The following P2RX5 variants were observed in gnomAD, a reference collection of about 807,000 sequenced individuals.
P2RX5 encodes P2X purinoceptor 5.
A neutral mutation model predicts 54.1 loss-of-function variants in P2RX5; 46 were observed. The observed-to-expected ratio is 0.85, with a 90% CI of 0.67 to 1.09. The LOEUF (loss-of-function observed/expected upper bound fraction) is 1.09, where lower values mean the gene tolerates loss of function less well. Ranked by LOEUF, P2RX5 falls within the 50% of genes least tolerant of loss-of-function variation. P2RX5 has a pLI of 0.00. For missense variants in P2RX5, 566 were observed against 549.8 expected (o/e 1.03, Z -0.29); for synonymous variants, 226 against 226.4 (o/e 1.00, Z 0.02).
chr17:3,680,734 T>TGCATCCTCCACCCTGCGTCCTCCACCCA (rs2050246942), intron 10 of P2RX5, among the ~76,000 whole-genome samples: 1 of 87,546 alleles, frequency 1.1e-5, no homozygotes, highest in Non-Finnish European at 2.3e-5. Flanking sequence ...TCCTCCACCC[T>TGCATCCTCCACCCTGCGTCCTCCACCCA]GCGTCCTCCA....
chr17:3,695,987 T>A lies in P2RX5; in HGVS notation c.19A>T (p.Lys7Ter). The change falls in exon 1 of 12, where the codon AAG becomes TAG. Residue 7 changes from lysine (K) to a stop codon, truncating the protein, a stop_gained. Transcript: ENST00000225328. LOFTEE classifies it high-confidence loss of function. ...TCGAACAGCGACAGGCAGAGCCCCT[T>A]GCAGCCCGCCTGCCCCATGGCGCGC... MGQAGCKGLCLSLFDYK... is the reference protein window; with the variant it reads MGQAGC The A allele has an allele frequency of 6.2e-7, 1 of 1,613,880 alleles. No homozygotes were observed. Among genetic ancestry groups the A allele is most frequent in the Non-Finnish European group, 8.5e-7 (1 of 1,179,898 alleles).
chr17:3,691,767 G>T lies in P2RX5; in HGVS notation c.165C>A (p.Tyr55Ter). ...VVWVFLIKKG[Y>*]QDVDTSLQSA... ...TCTGCAGGGAGGTGTCGACGTCTTG[G>T]TAACCCTTCTTTATCAGGAACACCC... The change falls in exon 2 of 12, where the codon TAC (tyrosine) becomes TAA (stop). Residue 55 changes from tyrosine to a stop codon, truncating the protein, a stop_gained. Transcript: ENST00000225328. LOFTEE classifies it high-confidence loss of function. 1 of 1,614,212 alleles carries T rather than the reference G, an allele frequency of 6.2e-7. No individual in the cohort carries two copies. Among genetic ancestry groups the T allele is most frequent in the South Asian group, 1.1e-5 (1 of 91,082 alleles).
the P2RX5 span, chr17:3,720,186 G>A: frequency 1.7e-6 from 1 of 592,506 alleles, no homozygotes; most frequent in East Asian, 2.9e-5. Flanking sequence ...AGCGATGGCA[G>A]AGCCAAGATC....
At chr17:3,709,261 G>C in the P2RX5 span, among the ~76,000 whole-genome samples, 1 of 152,146 alleles carries the variant, frequency 6.6e-6, no homozygotes, top group Non-Finnish European at 1.5e-5. Flanking sequence ...GTTAAACCAG[G>C]TCATCTCAGC....
chr17:3,709,711 G>A, the P2RX5 span, among the ~76,000 whole-genome samples: 2 of 152,004 alleles, frequency 1.3e-5, no homozygotes, highest in Non-Finnish European at 2.9e-5. Context: ...TCAGGAGTTC[G>A]AGACCAGCCT....
At chr17:3,722,075 A>G in the P2RX5 span, among the ~76,000 whole-genome samples, 79 of 152,316 alleles carry the variant, frequency 5.2e-4, 2 homozygotes, top group South Asian at 0.016. Context: ...GCTACTTGGG[A>G]GGCTGAGGCA....
At chr17:3,696,600 G>A (rs188133734), upstream of P2RX5, among the ~76,000 whole-genome samples, 3 of 152,102 alleles carry the variant, frequency 2.0e-5, no homozygotes, top group East Asian at 1.9e-4. Flanking sequence ...GACTACAGGC[G>A]TGATAATTTT....
In P2RX5 at chr17:3,689,609, C is replaced by T. The variant is rs575791698; in HGVS notation, c.636G>A (p.Lys212=). The T allele has an allele frequency of 1.9e-6, 3 of 1,614,182 alleles. No individual in the cohort carries two copies. The highest frequency in any genetic ancestry group is 1.7e-5 in the Admixed American group (1 of 60,020). Residue 212 remains lysine (K), a synonymous_variant, in exon 7 of 12, where the codon AAG becomes AAA. Coordinates refer to ENST00000225328, the MANE Select transcript of P2RX5 (RefSeq NM_002561.4). The part of the protein sequence containing the change: ...NFSKSNVMDV[K]DRSFLKSCHF... ...GGCATGATTTCAGGAAAGATCTGTCCTTGACGTCCATCACATTGCTTCTGG... is the reference window on the plus strand; with the variant it reads ...GGCATGATTTCAGGAAAGATCTGTCTTTGACGTCCATCACATTGCTTCTGG...
chr17:3,689,893 C>T (rs117455943), intron 6 of P2RX5, among the ~76,000 whole-genome samples, 177 bp downstream of exon 6: 1,842 of 150,120 alleles, frequency 0.012, 14 homozygotes, highest in Middle Eastern at 0.021. Context: ...CACACACAAA[C>T]GCACGCACAC....
At chr17:3,701,643 G>C in the P2RX5 span, among the ~76,000 whole-genome samples, 2 of 134,548 alleles carry the variant, frequency 1.5e-5, 1 homozygote, top group Admixed American at 1.6e-4. Flanking sequence ...GATGAGCAGA[G>C]TTCACACCAT....
chr17:3,712,835 C>T, the P2RX5 span, among the ~76,000 whole-genome samples: 5 of 151,936 alleles, frequency 3.3e-5, no homozygotes, highest in Admixed American at 6.6e-5. Context: ...CCCAGCTACT[C>T]GGGAGGGTGA....
rs1309503301 is a variant in P2RX5, at chr17:3,684,927, C to A, written c.982-2949G>T. Among the ~76,000 whole-genome samples, 3 of 150,260 alleles carry A rather than the reference C, an allele frequency of 2.0e-5. No individual in the cohort carries two copies. The Admixed American group carries it at 2.0e-4, about 10-fold the overall frequency. On this transcript the variant is annotated intron_variant, in intron 9 of 11. Transcript: ENST00000225328. Reference sequence around the variant, plus strand: ...GTTGTGTGATCTGGGCTCACCGCAACCTCCTCCTCCCGGGTTCAAGCGATT... The same window carrying A: ...GTTGTGTGATCTGGGCTCACCGCAAACTCCTCCTCCCGGGTTCAAGCGATT...
chr17:3,679,530 A>G (rs1240347994), intron 11 of P2RX5, 60 bp downstream of exon 11: 7 of 1,531,986 alleles, frequency 4.6e-6, no homozygotes, highest in African/African-American at 1.4e-5. Context: ...AGAAGCCCCA[A>G]CTGGGGACCC....
At chr17:3,681,448 A>C (rs550711609) in intron 10 of P2RX5, among the ~76,000 whole-genome samples, 1 of 152,120 alleles carries the variant, frequency 6.6e-6, no homozygotes, top group South Asian at 2.1e-4. Context: ...AGGGCCCAGG[A>C]AACTCCGGAA....
Position 3,673,488 on chromosome 17 carries a change from A to G in P2RX5, c.*380T>C. 1 of 1,150,246 alleles carries G rather than the reference A, an allele frequency of 8.7e-7. No homozygotes were observed. The highest frequency in any genetic ancestry group is 1.1e-6 in the Non-Finnish European group (1 of 927,298). The allele number at this position is 1,150,246 out of a possible 1,614,324, so 71.3% of individuals were successfully genotyped here. ...ATGGAGCCCTTTTCCGGACACGCACAATGCTATTCCCAGTGAGGTAATCTA... is the reference window on the plus strand; with the variant it reads ...ATGGAGCCCTTTTCCGGACACGCACGATGCTATTCCCAGTGAGGTAATCTA... On this transcript the variant is annotated 3_prime_UTR_variant, in exon 12 of 12. Transcript: ENST00000225328.
At chr17:3,706,929 A>T in the P2RX5 span, among the ~76,000 whole-genome samples, 1 of 152,320 alleles carries the variant, frequency 6.6e-6, no homozygotes, top group East Asian at 1.9e-4. Context: ...ATACCAACAG[A>T]AATTGTATAT....
In P2RX5 at chr17:3,693,726, G is replaced by A. The variant is rs558784479; in HGVS notation, c.138-1932C>T. Among the ~76,000 whole-genome samples, 600 of 151,976 alleles carry A rather than the reference G, an allele frequency of 3.9e-3. 9 individuals carry two copies. The highest frequency in any genetic ancestry group is 0.014 in the African/African-American group (568 of 41,462). ...GCACTCCAGCCTGGGCAACAAGAGC[G>A]AAACTCCATCTCAAAAATAATAATA... On this transcript the variant is annotated intron_variant, in intron 1 of 11. Coordinates refer to ENST00000225328, the MANE Select transcript of P2RX5 (RefSeq NM_002561.4).
rs538168380 is a variant in P2RX5 at position 3,695,880 on chromosome 17, C to G, written c.126G>C (p.Ala42=). The part of the protein sequence containing the change: ...LYRLLQASIL[A]YLVVWVFLIK... ...CGCGGAGAACTTACACGACCAGGTA[C>G]GCCAGGATGGAGGCCTGCAGCAGCC... The change falls in exon 1 of 12, where the codon GCG becomes GCC. Residue 42 remains alanine (A), a synonymous_variant. Transcript: ENST00000225328. 2 of 1,610,178 alleles carry G rather than the reference C, an allele frequency of 1.2e-6. No homozygotes were observed. Among genetic ancestry groups the G allele is most frequent in the Middle Eastern group, 1.7e-4 (1 of 6,050 alleles).
the P2RX5 span, among the ~76,000 whole-genome samples, chr17:3,712,487 A>G: frequency 1.3e-3 from 195 of 152,312 alleles, 1 homozygote; most frequent in African/African-American, 4.1e-3. Context: ...AAGCCCTCCC[A>G]TTACAACCAG....
Sources: allele counts gnomAD v4.1 joint callset (sites outside exome capture counted in the v4.1 genomes callset), GRCh38; gene constraint gnomAD v4.1.1; transcripts MANE v1.5; gene names NCBI Gene and HGNC (gene_info 2026-07-23, HGNC 2026-07-21).